Variants in TUSC3 observed in about 807,000 individuals in gnomAD.
TUSC3 encodes dolichyl-diphosphooligosaccharide--protein glycosyltransferase subunit TUSC3.
A neutral mutation model predicts 44.8 loss-of-function variants in TUSC3; 45 were observed. The ratio of observed to expected loss-of-function variants is 1.00; its 90% CI spans 0.79 to 1.29. TUSC3 has a LOEUF of 1.29. Ranked by LOEUF, TUSC3 falls within the 50% of genes most tolerant of loss-of-function variation. The pLI, the probability that TUSC3 is intolerant of heterozygous loss-of-function variation, is 0.00. For missense variants in TUSC3, 519 were observed against 437.9 expected (o/e 1.19, Z -1.65); for synonymous variants, 212 against 152.9 (o/e 1.39, Z -2.85).
chr8:15,730,699 G>T lies in TUSC3; in HGVS notation c.832G>T (p.Val278Leu), dbSNP rs758525900. ...TCATGGGAGCAGCCAGGCTCAGTTT[G>T]TGGCAGAATCACACATTATTCTGGT... ...YIHGSSQAQF[V>L]AESHIILVLN... The change falls in exon 7 of 11, where the codon GTG (valine) becomes TTG (leucine). Residue 278 changes from valine to leucine, a missense_variant. Transcript: ENST00000503731. The T allele has an allele frequency of 6.2e-7, 1 of 1,613,114 alleles. No individual in the cohort carries two copies. The highest frequency in any genetic ancestry group is 8.5e-7 in the Non-Finnish European group (1 of 1,179,398).
intron 5 of TUSC3, among the ~76,000 whole-genome samples, chr8:15,664,712 T>G (rs1237460949): frequency 1.3e-5 from 2 of 149,792 alleles, no homozygotes; most frequent in African/African-American, 2.4e-5. Context: ...CTTGCAGTTT[T>G]TCTCATTAAT....
chr8:15,715,966 A>G (rs1585260188), intron 6 of TUSC3, among the ~76,000 whole-genome samples: 1 of 152,172 alleles, frequency 6.6e-6, no homozygotes, highest in East Asian at 1.9e-4. Flanking sequence ...TACATATTCT[A>G]ATGGAAGGGT....
intron 1 of TUSC3, among the ~76,000 whole-genome samples, chr8:15,604,892 T>A (rs947463275): frequency 2.6e-5 from 4 of 151,886 alleles, no homozygotes; most frequent in Non-Finnish European, 5.9e-5. Flanking sequence ...GGGCTTATAT[T>A]GGTTTCTTGT....
chr8:15,571,520 G>C (rs967509136), intron 1 of TUSC3, among the ~76,000 whole-genome samples: 1 of 152,118 alleles, frequency 6.6e-6, no homozygotes, highest in African/African-American at 2.4e-5. Context: ...GATCTTCTGA[G>C]CCTTCAGTGA....
At chr8:15,537,468 A>T (rs1425445474), upstream of TUSC3, among the ~76,000 whole-genome samples, 1 of 152,166 alleles carries the variant, frequency 6.6e-6, no homozygotes, top group Non-Finnish European at 1.5e-5. Context: ...AGGCTGTGTC[A>T]CTGGCCAAGG....
chr8:15,496,208 C>T (rs1273627132), intron 2 of TUSC3, among the ~76,000 whole-genome samples: 1 of 152,200 alleles, frequency 6.6e-6, no homozygotes, highest in Non-Finnish European at 1.5e-5. Flanking sequence ...TCATCTGCTA[C>T]ATTTTCTAGC....
chr8:15,758,664 A>C (rs1380806482), intron 10 of TUSC3, among the ~76,000 whole-genome samples: 1 of 152,066 alleles, frequency 6.6e-6, no homozygotes, highest in African/African-American at 2.4e-5. Context: ...AAGAGTTCTG[A>C]ACTGGCTCTT....
At chr8:15,746,414 T>G (rs1811416696) in intron 8 of TUSC3, among the ~76,000 whole-genome samples, 2 of 152,132 alleles carry the variant, frequency 1.3e-5, no homozygotes, top group South Asian at 4.1e-4. Flanking sequence ...ATTTTTATTT[T>G]TGATGTGGCA....
At chr8:15,680,582 C>A (rs974546571) in intron 6 of TUSC3, among the ~76,000 whole-genome samples, 14 of 152,012 alleles carry the variant, frequency 9.2e-5, no homozygotes, top group African/African-American at 3.4e-4. Flanking sequence ...TCTTCTGTTT[C>A]TTTTTCTTGC....
At chr8:15,714,505 G>A (rs115098871) in intron 6 of TUSC3, among the ~76,000 whole-genome samples, 1,761 of 152,194 alleles carry the variant, frequency 0.012, 33 homozygotes, top group African/African-American at 0.041. Flanking sequence ...TGCTGGAAGT[G>A]GTTATTAAAG....
At chr8:15,791,809 A>T in the TUSC3 span, among the ~76,000 whole-genome samples, 1 of 152,154 alleles carries the variant, frequency 6.6e-6, no homozygotes, top group Non-Finnish European at 1.5e-5. Context: ...TTGTATCTTC[A>T]TAAAATAAGT....
the TUSC3 span, among the ~76,000 whole-genome samples, chr8:15,783,593 T>C: frequency 6.6e-6 from 1 of 152,214 alleles, no homozygotes; most frequent in Non-Finnish European, 1.5e-5. Flanking sequence ...CAATTGATTT[T>C]TGACAAAAGT....
At position 15,577,880 on chromosome 8, in the gene TUSC3, A is replaced by G. The variant is rs935914935; in HGVS notation, c.138+37312A>G. Among the ~76,000 whole-genome samples, 10 of 150,944 alleles carry G rather than the reference A, an allele frequency of 6.6e-5. No homozygotes were observed. In the South Asian group the frequency reaches 1.7e-3, roughly 25 times the overall value. On this transcript the variant is annotated intron_variant, in intron 1 of 10. Coordinates refer to ENST00000503731, the MANE Select transcript of TUSC3 (RefSeq NM_006765.4). ...TCATTGGTAGCTTGATGGGGATGGCATTGAATCTGTAAATTACCTTGGGCA... is the reference window on the plus strand; with the variant it reads ...TCATTGGTAGCTTGATGGGGATGGCGTTGAATCTGTAAATTACCTTGGGCA...
the TUSC3 span, among the ~76,000 whole-genome samples, chr8:15,775,645 T>TATATATATACATAC: frequency 7.4e-6 from 1 of 134,494 alleles, no homozygotes; most frequent in African/African-American, 2.6e-5. Context: ...TATATATATA[T>TATATATATACATAC]ATATACACAC....
upstream of TUSC3, among the ~76,000 whole-genome samples, chr8:15,536,598 C>T (rs1405322341): frequency 7.1e-6 from 1 of 141,182 alleles, no homozygotes; most frequent in Non-Finnish European, 1.5e-5. Context: ...AGGAGAAGAG[C>T]TTGAACCTGG....
intron 6 of TUSC3, among the ~76,000 whole-genome samples, chr8:15,705,150 A>G (rs944420571): frequency 2.6e-5 from 4 of 151,820 alleles, no homozygotes; most frequent in African/African-American, 9.7e-5. Flanking sequence ...TCTTAACGGC[A>G]GGAATTAGAG....
chr8:15,538,888 C>A (rs1304200730), upstream of TUSC3, among the ~76,000 whole-genome samples: 1 of 151,780 alleles, frequency 6.6e-6, no homozygotes, highest in Non-Finnish European at 1.5e-5. Flanking sequence ...TTTGCTCTGT[C>A]TCCCAGGCTG....
At chr8:15,479,516 C>T (rs985548287) in intron 1 of TUSC3, among the ~76,000 whole-genome samples, 1 of 152,106 alleles carries the variant, frequency 6.6e-6, no homozygotes, top group Non-Finnish European at 1.5e-5. Flanking sequence ...AGCCAGTTTT[C>T]ACAGCACCAT....
intron 2 of TUSC3, among the ~76,000 whole-genome samples, chr8:15,626,576 C>T (rs540964837): frequency 3.3e-5 from 5 of 152,326 alleles, no homozygotes; most frequent in African/African-American, 4.8e-5. Context: ...CCTGCGACTG[C>T]GGACTCAGGC....
Sources: allele counts gnomAD v4.1 joint callset (sites outside exome capture counted in the v4.1 genomes callset), GRCh38; gene constraint gnomAD v4.1.1; transcripts MANE v1.5; gene names NCBI Gene and HGNC (gene_info 2026-07-23, HGNC 2026-07-21).